The following NTRK2 variants were observed in gnomAD, a reference collection of about 807,000 sequenced individuals.
NTRK2 encodes the protein BDNF/NT-3 growth factors receptor.
In NTRK2, 13 loss-of-function variants were observed where a neutral mutation model predicts 94.5. The ratio of observed to expected loss-of-function variants is 0.14; its 90% confidence interval spans 0.09 to 0.22. NTRK2 has a LOEUF of 0.22. NTRK2 is among the 10% of genes least tolerant of loss of function. The pLI is 1.00. For missense variants in NTRK2, 639 were observed against 1,071.2 expected (o/e 0.60, Z 5.63); for synonymous variants, 372 against 407.4 (o/e 0.91, Z 1.05).
intron 14 of NTRK2, among the ~76,000 whole-genome samples, chr9:84,898,016 G>A (rs988485458): frequency 7.3e-5 from 11 of 151,618 alleles, no homozygotes; most frequent in African/African-American, 2.7e-4. Context: ...AGGCAGAAAA[G>A]CCCATGGGAT....
intron 14 of NTRK2, chr9:84,877,694 G>T (rs899036104): frequency 9.4e-7 from 1 of 1,062,458 alleles, no homozygotes; most frequent in Non-Finnish European, 1.1e-6. Context: ...ATGCAAGGGA[G>T]CGGACCTAAC....
intron 14 of NTRK2, among the ~76,000 whole-genome samples, chr9:84,882,195 AACAC>A (rs143087277): frequency 6.6e-6 from 1 of 150,512 alleles, no homozygotes; most frequent in African/African-American, 2.4e-5. Context: ...TGCTCCCACC[AACAC>A]ACACACACAC....
chr9:85,014,296 C>T (rs1831972870), intron 17 of NTRK2, among the ~76,000 whole-genome samples: 1 of 152,144 alleles, frequency 6.6e-6, no homozygotes, highest in African/African-American at 2.4e-5. Flanking sequence ...AGAAGCCCAA[C>T]ATAGTGGGGA....
chr9:84,728,055 G>C (rs980991317), intron 9 of NTRK2, 96 bp downstream of exon 9: 2 of 1,165,842 alleles, frequency 1.7e-6, no homozygotes, highest in African/African-American at 1.5e-5. Flanking sequence ...CCCCAACCTA[G>C]TGGCTTAAAA....
At chr9:84,785,695 T>G (rs146960361) in intron 12 of NTRK2, among the ~76,000 whole-genome samples, 5 of 152,320 alleles carry the variant, frequency 3.3e-5, no homozygotes, top group Admixed American at 2.6e-4. Flanking sequence ...TACACAGTGT[T>G]TATGGGCATG....
intron 17 of NTRK2, among the ~76,000 whole-genome samples, chr9:85,004,019 G>GAAAGAAA (rs1476746681): frequency 2.1e-5 from 1 of 48,346 alleles, no homozygotes; most frequent in Non-Finnish European, 4.4e-5. Flanking sequence ...AAAAGAAAGA[G>GAAAGAAA]AGAAAGAAAG....
chr9:84,854,030 C>T (rs2074926112), intron 12 of NTRK2, among the ~76,000 whole-genome samples: 1 of 150,452 alleles, frequency 6.6e-6, no homozygotes, highest in East Asian at 1.9e-4. Context: ...TGAGATCGCA[C>T]CACTGCACTC....
At chr9:84,743,044 A>G (rs1171729744) in intron 10 of NTRK2, among the ~76,000 whole-genome samples, 3 of 152,198 alleles carry the variant, frequency 2.0e-5, no homozygotes, top group East Asian at 3.9e-4. Flanking sequence ...CAGGTGATTC[A>G]CCCACCTTGG....
chr9:84,877,632 G>T (rs2076118372), intron 14 of NTRK2: 1 of 1,065,328 alleles, frequency 9.4e-7, no homozygotes, highest in Non-Finnish European at 1.1e-6. Flanking sequence ...TAGGGAAGGG[G>T]TTCTGTTGAT....
chr9:84,747,839 C>T (rs1327690293), intron 11 of NTRK2, among the ~76,000 whole-genome samples: 2 of 152,088 alleles, frequency 1.3e-5, no homozygotes, highest in Admixed American at 6.6e-5. Flanking sequence ...ATATCTCCAT[C>T]TATAGTATAG....
intron 12 of NTRK2, chr9:84,810,589 A>G (rs1188603224): frequency 6.2e-7 from 1 of 1,613,884 alleles, no homozygotes; most frequent in Non-Finnish European, 8.5e-7. Context: ...GCTGAAATAA[A>G]GGAAAAGACA....
intron 2 of NTRK2, among the ~76,000 whole-genome samples, chr9:84,692,468 C>CTTTTTTTTTTTTTTTTTT (rs71369138): frequency 3.8e-4 from 33 of 87,678 alleles, no homozygotes; most frequent in Non-Finnish European, 4.9e-4. Flanking sequence ...TTCTTTTTTT[C>CTTTTTTTTTTTTTTTTTT]TTTTTTTTTT....
At chr9:84,701,803 A>G (rs191308007) in intron 2 of NTRK2, among the ~76,000 whole-genome samples, 4 of 152,330 alleles carry the variant, frequency 2.6e-5, no homozygotes, top group Admixed American at 2.6e-4. Context: ...TGTGGCTCTC[A>G]CCGTAAGAGT....
At chr9:84,872,586 CATGT>C in intron 14 of NTRK2, 1 of 1,062,366 alleles carries the variant, frequency 9.4e-7, no homozygotes, top group Non-Finnish European at 1.1e-6. Flanking sequence ...GTGGCAGAGG[CATGT>C]AAAGTATTCT....
At chr9:85,002,038 T>G (rs1434426428) in intron 17 of NTRK2, among the ~76,000 whole-genome samples, 2 of 152,210 alleles carry the variant, frequency 1.3e-5, no homozygotes, top group Non-Finnish European at 2.9e-5. Flanking sequence ...AAAATCTGAT[T>G]GCAGCAAACA....
intron 4 of NTRK2, among the ~76,000 whole-genome samples, chr9:84,706,531 T>TTG (rs1554699608): frequency 9.3e-6 from 1 of 107,410 alleles, no homozygotes; most frequent in Non-Finnish European, 1.9e-5. Context: ...GTTTTTGTTT[T>TTG]TTTTTTTTTT....
intron 2 of NTRK2, among the ~76,000 whole-genome samples, chr9:84,672,286 T>C (rs954131939): frequency 6.6e-6 from 1 of 152,190 alleles, no homozygotes; most frequent in African/African-American, 2.4e-5. Context: ...AGGCCTAGCA[T>C]AGCTGAGATG....
intron 12 of NTRK2, among the ~76,000 whole-genome samples, chr9:84,841,943 G>A (rs921286433): frequency 6.6e-6 from 1 of 152,168 alleles, no homozygotes. Flanking sequence ...GTGATGAGAC[G>A]CATCCCAAGA....
At chr9:84,715,087 T>C (rs992558525) in intron 6 of NTRK2, among the ~76,000 whole-genome samples, 2 of 152,204 alleles carry the variant, frequency 1.3e-5, no homozygotes, top group Non-Finnish European at 1.5e-5. Context: ...TATATGCAAA[T>C]ATGCATATTC....
Sources: gnomAD v4.1 joint callset for allele counts (sites outside exome capture counted in the v4.1 genomes callset) on GRCh38, gnomAD v4.1.1 for gene constraint, MANE v1.5 for transcripts, NCBI Gene and HGNC (gene_info 2026-07-23, HGNC 2026-07-21) for gene names.